ACTR3C: variants seen among roughly 807,000 people sequenced by gnomAD.
ACTR3C encodes the protein actin-related protein 3C.
ACTR3C carries 18 observed loss-of-function variants against 26.3 expected under a neutral mutation model. That is an observed-to-expected ratio of 0.68 (90% CI 0.47 to 1.01). The LOEUF is 1.01. Among genes scored for constraint, ACTR3C ranks in the 50% least tolerant of loss-of-function variants. ACTR3C has a pLI of 0.00. For missense variants in ACTR3C, 184 were observed against 250.7 expected (o/e 0.73, Z 1.80); for synonymous variants, 55 against 94.5 (o/e 0.58, Z 2.42).
At chr7:150,290,052 G>C (rs1836114108) in intron 3 of ACTR3C, among the ~76,000 whole-genome samples, 1 of 152,050 alleles carries the variant, frequency 6.6e-6, no homozygotes, top group African/African-American at 2.4e-5. Flanking sequence ...TAACAACCTG[G>C]ACTCAAATCC....
chr7:149,892,407 A>AAC, the ACTR3C span: 4,870 of 1,521,868 alleles, frequency 3.2e-3, 108 homozygotes, highest in African/African-American at 0.059. Context: ...ACCTTAAAAA[A>AAC]ACACACACAC....
At chr7:150,313,603 C>T (rs1481084156) in intron 1 of ACTR3C, among the ~76,000 whole-genome samples, 2 of 152,182 alleles carry the variant, frequency 1.3e-5, no homozygotes, top group African/African-American at 4.8e-5. Flanking sequence ...TACAGTGAGG[C>T]ATATCCAACC....
At chr7:150,215,984 C>T in the ACTR3C span, among the ~76,000 whole-genome samples, 2 of 151,306 alleles carry the variant, frequency 1.3e-5, no homozygotes, top group African/African-American at 2.4e-5. Flanking sequence ...GTACAAAATC[C>T]CCAAATATGG....
chr7:150,079,590 C>T, the ACTR3C span, among the ~76,000 whole-genome samples: 1 of 152,196 alleles, frequency 6.6e-6, no homozygotes, highest in Non-Finnish European at 1.5e-5. Context: ...TGGAATGATG[C>T]TATTCCCTGG....
chr7:149,955,095 G>A, the ACTR3C span, among the ~76,000 whole-genome samples: 977 of 152,280 alleles, frequency 6.4e-3, 9 homozygotes, highest in African/African-American at 0.022. Context: ...ACAAATGTGG[G>A]CCTCTTTGCT....
the ACTR3C span, among the ~76,000 whole-genome samples, chr7:150,064,962 G>C: frequency 6.6e-6 from 1 of 152,172 alleles, no homozygotes; most frequent in South Asian, 2.1e-4. Context: ...AGATTTTAAA[G>C]CATTCAGTCT....
chr7:150,126,461 A>G, the ACTR3C span, among the ~76,000 whole-genome samples: 1 of 152,192 alleles, frequency 6.6e-6, no homozygotes, highest in African/African-American at 2.4e-5. Flanking sequence ...TGAAAATATG[A>G]AGCTCCATGG....
chr7:150,297,841 G>A (rs1402209568), intron 1 of ACTR3C, among the ~76,000 whole-genome samples: 2 of 127,376 alleles, frequency 1.6e-5, no homozygotes, highest in Admixed American at 1.8e-4. Context: ...GATGGAGTGA[G>A]ACTCCGTCTC....
the ACTR3C span, among the ~76,000 whole-genome samples, chr7:150,006,637 T>TC: frequency 1.0e-3 from 158 of 150,964 alleles, no homozygotes; most frequent in African/African-American, 3.6e-3. Context: ...CCACCTGGGG[T>TC]CCCTGGTGCC....
At chr7:150,124,497 C>T in the ACTR3C span, among the ~76,000 whole-genome samples, 4 of 152,030 alleles carry the variant, frequency 2.6e-5, no homozygotes, top group South Asian at 2.1e-4. Context: ...TAGATAAATG[C>T]GCCCAAGAAG....
chr7:150,153,269 A>G, the ACTR3C span, among the ~76,000 whole-genome samples: 1 of 152,132 alleles, frequency 6.6e-6, no homozygotes, highest in Non-Finnish European at 1.5e-5. Context: ...AGAAACTACC[A>G]TCAGAGTGAA....
At chr7:149,929,568 T>C in the ACTR3C span, among the ~76,000 whole-genome samples, 1 of 141,126 alleles carries the variant, frequency 7.1e-6, no homozygotes, top group African/African-American at 2.7e-5. Context: ...AGTCTCGCTC[T>C]GTCACCAGGC....
chr7:149,952,653 A>G, the ACTR3C span, among the ~76,000 whole-genome samples: 1 of 148,970 alleles, frequency 6.7e-6, no homozygotes, highest in East Asian at 1.9e-4. Flanking sequence ...GCATTAGGAG[A>G]AATCATACCA....
At chr7:150,226,780 T>C in the ACTR3C span, among the ~76,000 whole-genome samples, 10 of 152,274 alleles carry the variant, frequency 6.6e-5, no homozygotes, top group Non-Finnish European at 1.3e-4. Context: ...ACCAATGATG[T>C]TCAGCAAATC....
At chr7:149,907,496 C>CTCTCTG in the ACTR3C span, among the ~76,000 whole-genome samples, 1 of 150,870 alleles carries the variant, frequency 6.6e-6, no homozygotes, top group Non-Finnish European at 1.5e-5. Context: ...CTCTCTCTCT[C>CTCTCTG]TCTCTCTCTC....
downstream of ACTR3C, among the ~76,000 whole-genome samples, chr7:150,243,523 T>C (rs1447428012): frequency 2.0e-5 from 3 of 152,042 alleles, no homozygotes; most frequent in African/African-American, 7.3e-5. Context: ...TATAATCAGG[T>C]GTAAAACTTT....
the ACTR3C span, among the ~76,000 whole-genome samples, chr7:150,038,082 G>A: frequency 6.4e-5 from 9 of 141,254 alleles, no homozygotes; most frequent in South Asian, 2.2e-4. Flanking sequence ...CTCGCGGGGG[G>A]TGCCTCCCCC....
At chr7:149,965,155 T>A in the ACTR3C span, among the ~76,000 whole-genome samples, 1 of 149,844 alleles carries the variant, frequency 6.7e-6, no homozygotes, top group Admixed American at 6.7e-5. Context: ...TTTATTCTTT[T>A]CTCCTTGAGC....
chr7:150,231,767 G>A, the ACTR3C span, among the ~76,000 whole-genome samples: 7 of 152,000 alleles, frequency 4.6e-5, no homozygotes, highest in Non-Finnish European at 1.0e-4. Context: ...ATTTGTTCCT[G>A]TGTGTTTTAT....
Sources: allele counts gnomAD v4.1 joint callset (sites outside exome capture counted in the v4.1 genomes callset), GRCh38; gene constraint gnomAD v4.1.1; transcripts MANE v1.5; gene names NCBI Gene and HGNC (gene_info 2026-07-23, HGNC 2026-07-21).